Variants in MBNL1 observed in about 807,000 individuals in gnomAD.
MBNL1 encodes the protein muscleblind-like protein 1.
In MBNL1, 8 loss-of-function variants were observed where a neutral mutation model predicts 42.2. That is an observed-to-expected ratio of 0.19 (90% CI 0.11 to 0.34). MBNL1 has a LOEUF of 0.34. Among genes scored for constraint, MBNL1 ranks in the 10% least tolerant of loss-of-function variants. MBNL1 has a pLI of 1.00. For missense variants in MBNL1, 309 were observed against 495.3 expected (o/e 0.62, Z 3.57); for synonymous variants, 169 against 173.9 (o/e 0.97, Z 0.22).
At chr3:152,376,160 G>A (rs1409148249) in intron 2 of MBNL1, among the ~76,000 whole-genome samples, 1 of 151,990 alleles carries the variant, frequency 6.6e-6, no homozygotes, top group Non-Finnish European at 1.5e-5. Flanking sequence ...TAAGTTTTTA[G>A]TTTTAAGTGT....
chr3:152,433,749 C>CAAAAA (rs35614565), intron 4 of MBNL1, among the ~76,000 whole-genome samples: 6 of 91,424 alleles, frequency 6.6e-5, no homozygotes, highest in Admixed American at 3.5e-4. Flanking sequence ...GACTCCGTCT[C>CAAAAA]AAAAAAAAAA....
At chr3:152,405,817 G>A (rs994890616) in intron 2 of MBNL1, among the ~76,000 whole-genome samples, 24 of 152,048 alleles carry the variant, frequency 1.6e-4, no homozygotes, top group African/African-American at 5.8e-4. Flanking sequence ...CACATAGAGC[G>A]CTAACATTTA....
At chr3:152,253,529 C>T (rs1291925892) in intron 2 of MBNL1, among the ~76,000 whole-genome samples, 3 of 152,100 alleles carry the variant, frequency 2.0e-5, no homozygotes, top group Non-Finnish European at 2.9e-5. Context: ...CATGTGACCT[C>T]CTGCTCAAAA....
intron 6 of MBNL1, 33 bp downstream of exon 6, chr3:152,447,806 G>A (rs1017308907): frequency 6.2e-7 from 1 of 1,603,836 alleles, no homozygotes; most frequent in Admixed American, 1.7e-5. Context: ...AAATGAATCT[G>A]ATGATCTACA....
At chr3:152,399,737 A>G (rs1451009831) in intron 2 of MBNL1, among the ~76,000 whole-genome samples, 2 of 152,126 alleles carry the variant, frequency 1.3e-5, no homozygotes, top group African/African-American at 2.4e-5. Context: ...TTCTGAGCTG[A>G]AGTGACCCTC....
chr3:152,300,804 C>T, intron 2 of MBNL1: 2 of 284,568 alleles, frequency 7.0e-6, no homozygotes, highest in Non-Finnish European at 1.1e-5. Flanking sequence ...ATCAGCTAAA[C>T]TTGGATAGAC....
intron 2 of MBNL1, among the ~76,000 whole-genome samples, chr3:152,248,384 T>C (rs987781116): frequency 4.6e-5 from 7 of 152,060 alleles, no homozygotes; most frequent in African/African-American, 1.4e-4. Flanking sequence ...TGGAAGCTCA[T>C]ATAAGTTGTA....
chr3:152,371,095 A>G (rs900521981), intron 2 of MBNL1, among the ~76,000 whole-genome samples: 2 of 152,194 alleles, frequency 1.3e-5, no homozygotes, highest in Admixed American at 6.5e-5. Context: ...CATAATGTCA[A>G]TGGCCTTTAC....
At position 152,463,208 on chromosome 3, in the gene MBNL1, A is replaced by G. The variant is rs949103920; in HGVS notation, c.*842A>G. On this transcript the variant is annotated 3_prime_UTR_variant, in exon 10 of 10. Transcript: ENST00000324210. ...ATTTAACTTTACAGTAACAATAGAC[A>G]GCACAACACAAACTCTCTCAATACA... 3.3e-5 allele frequency: 5 copies of G among 151,284 alleles called. No individual in the cohort carries two copies. Among genetic ancestry groups the G allele is most frequent in the Non-Finnish European group, 5.9e-5 (4 of 67,700 alleles). The allele number at this position is 151,284 out of a possible 1,614,324, so 9.4% of individuals were successfully genotyped here. A position where few individuals can be genotyped will look rare whatever the true frequency, so the allele number is the denominator to read the frequency against.
intron 4 of MBNL1, among the ~76,000 whole-genome samples, chr3:152,438,732 A>G (rs73011739): frequency 0.016 from 2,429 of 152,348 alleles, 58 homozygotes; most frequent in African/African-American, 0.055. Context: ...AGATACTAGC[A>G]TCTCTTATTT....
chr3:152,346,680 T>G (rs146764897), intron 2 of MBNL1, among the ~76,000 whole-genome samples: 12 of 152,202 alleles, frequency 7.9e-5, no homozygotes, highest in African/African-American at 2.9e-4. Context: ...CATTATCATT[T>G]ACGTCAAAAA....
intron 7 of MBNL1, 121 bp from the exon 8 acceptor site, chr3:152,456,146 T>A: frequency 1.4e-6 from 1 of 698,872 alleles, no homozygotes; most frequent in South Asian, 1.7e-5. Flanking sequence ...GGTGATGATG[T>A]CCTGTCACAT....
chr3:152,343,703 CA>C (rs2093744926), intron 2 of MBNL1, among the ~76,000 whole-genome samples: 1 of 151,994 alleles, frequency 6.6e-6, no homozygotes, highest in Admixed American at 6.6e-5. Context: ...TTTAGGAACT[CA>C]GTAAACTGAA....
chr3:152,429,867 A>T (rs1377267647), intron 3 of MBNL1, among the ~76,000 whole-genome samples: 1 of 152,112 alleles, frequency 6.6e-6, no homozygotes, highest in Non-Finnish European at 1.5e-5. Context: ...AGCTATTGTT[A>T]CTGATTGTCT....
At chr3:152,393,489 A>T (rs1309627928) in intron 2 of MBNL1, among the ~76,000 whole-genome samples, 1 of 152,228 alleles carries the variant, frequency 6.6e-6, no homozygotes, top group Non-Finnish European at 1.5e-5. Flanking sequence ...TGGGTGAGAA[A>T]GCCATTGACT....
intron 1 of MBNL1, among the ~76,000 whole-genome samples, chr3:152,286,408 ATATT>A (rs1409886036): frequency 3.8e-4 from 46 of 121,432 alleles, no homozygotes; most frequent in Non-Finnish European, 5.3e-4. Context: ...TATAATATAA[ATATT>A]TATATTTTAT....
chr3:152,285,337 CAG>C (rs1323530587), intron 1 of MBNL1, among the ~76,000 whole-genome samples: 1 of 152,154 alleles, frequency 6.6e-6, no homozygotes, highest in Non-Finnish European at 1.5e-5. Flanking sequence ...CATTTGAAAT[CAG>C]AAGAGCTGAT....
intron 4 of MBNL1, among the ~76,000 whole-genome samples, chr3:152,441,044 T>C (rs1312296469): frequency 6.6e-6 from 1 of 152,230 alleles, no homozygotes; most frequent in African/African-American, 2.4e-5. Flanking sequence ...TTTCTTGTTA[T>C]AATTAGCTTT....
intron 2 of MBNL1, among the ~76,000 whole-genome samples, chr3:152,320,482 C>T (rs2075781213): frequency 6.6e-6 from 1 of 152,104 alleles, no homozygotes; most frequent in African/African-American, 2.4e-5. Context: ...GCTGTATATA[C>T]AGCCCATGTC....
Sources: allele counts gnomAD v4.1 joint callset (sites outside exome capture counted in the v4.1 genomes callset), GRCh38; gene constraint gnomAD v4.1.1; transcripts MANE v1.5; gene names NCBI Gene and HGNC (gene_info 2026-07-23, HGNC 2026-07-21).